LRRIQ1: variants seen among roughly 807,000 people sequenced by gnomAD.
LRRIQ1 encodes the protein leucine-rich repeat- and IQ domain-containing protein 1.
In LRRIQ1, 210 loss-of-function variants were observed where a neutral mutation model predicts 211.9. That is an observed-to-expected ratio of 0.99 (90% CI 0.89 to 1.11). LRRIQ1 has a LOEUF of 1.11. Ranked by LOEUF, LRRIQ1 falls within the 50% of genes most tolerant of loss-of-function variation. The pLI is 0.00. For synonymous variants in LRRIQ1, 699 were observed against 650.1 expected, an observed-to-expected ratio of 1.08 and a Z score of -1.14; for missense variants, 2,136 against 1,939.5, an observed-to-expected ratio of 1.10 and a Z score of -1.90.
chr12:85,217,413 G>A (rs1894139853), intron 24 of LRRIQ1, among the ~76,000 whole-genome samples: 1 of 140,684 alleles, frequency 7.1e-6, no homozygotes, highest in Non-Finnish European at 1.5e-5. Context: ...AGTAGAATTA[G>A]AAATACATTT....
At chr12:85,058,699 C>T (rs1881425489) in intron 8 of LRRIQ1, among the ~76,000 whole-genome samples, 1 of 151,996 alleles carries the variant, frequency 6.6e-6, no homozygotes, top group Non-Finnish European at 1.5e-5. Flanking sequence ...CTTTCTTTTA[C>T]TTCTTAGAGC....
chr12:85,227,317 C>A (rs1323143633), intron 24 of LRRIQ1, among the ~76,000 whole-genome samples: 1 of 152,022 alleles, frequency 6.6e-6, no homozygotes, highest in Non-Finnish European at 1.5e-5. Context: ...GGTACATGTG[C>A]ACAATGTGCA....
intron 24 of LRRIQ1, among the ~76,000 whole-genome samples, chr12:85,164,397 A>C (rs1246040229): frequency 1.3e-5 from 2 of 152,144 alleles, no homozygotes; most frequent in African/African-American, 4.8e-5. Flanking sequence ...TTTTTCATCT[A>C]TGAAATAAGA....
At chr12:85,125,271 C>A (rs997941758) in intron 17 of LRRIQ1, among the ~76,000 whole-genome samples, 1 of 152,136 alleles carries the variant, frequency 6.6e-6, no homozygotes, top group Admixed American at 6.5e-5. Context: ...TAAAGAGCAT[C>A]TTTGCACATA....
chr12:85,086,221 G>A (rs994074693), intron 11 of LRRIQ1, among the ~76,000 whole-genome samples: 2 of 152,046 alleles, frequency 1.3e-5, no homozygotes, highest in Non-Finnish European at 2.9e-5. Context: ...TTTGTTGACT[G>A]CATGTATGTC....
intron 24 of LRRIQ1, among the ~76,000 whole-genome samples, chr12:85,186,450 G>A (rs1348788247): frequency 6.6e-6 from 1 of 151,998 alleles, no homozygotes; most frequent in Non-Finnish European, 1.5e-5. Context: ...ACCTCTGATT[G>A]CATGGTACCC....
chr12:85,056,100 A>C lies in LRRIQ1; in HGVS notation c.1307A>C (p.Asp436Ala), dbSNP rs1054450868. Residue 436 changes from aspartate (D) to alanine (A), a missense_variant, in exon 8 of 27, where the codon GAT (aspartate) becomes GCT (alanine). Asp to Ala is a moderately radical substitution (Grantham distance 126). Coordinates refer to ENST00000393217, the MANE Select transcript of LRRIQ1 (RefSeq NM_001079910.2). ...LVDENSKKQE[D>A]VLLWLVEESN... ...GATGAAAATTCAAAGAAGCAGGAAG[A>C]TGTTCTCCTTTGGCTAGTTGAGGAA... 2.5e-6 allele frequency: 4 copies of C among 1,600,970 alleles called. No individual in the cohort carries two copies. Among genetic ancestry groups the C allele is most frequent in the Non-Finnish European group, 3.4e-6 (4 of 1,176,412 alleles).
Position 85,056,293 on chromosome 12 carries a change from A to G in LRRIQ1, c.1500A>G (p.Glu500=), listed in dbSNP as rs1490299372. Residue 500 remains glutamate, a synonymous_variant, in exon 8 of 27, where the codon GAA becomes GAG. Coordinates refer to ENST00000393217, the MANE Select transcript of LRRIQ1 (RefSeq NM_001079910.2). ...GTTCAGAAGAATTGGTCAAGCAAGA[A>G]AGAAAATATGAAAATACAGATAACA... ...KRCSEELVKQ[E]RKYENTDNKT... is the part of the protein sequence containing the mutation. 2 of 1,587,568 alleles carry G rather than the reference A, an allele frequency of 1.3e-6. No individual in the cohort carries two copies. The highest frequency in any genetic ancestry group is 1.9e-5 in the Admixed American group (1 of 52,502).
At chr12:85,150,026 G>T (rs1051722472) in intron 19 of LRRIQ1, among the ~76,000 whole-genome samples, 10 of 151,724 alleles carry the variant, frequency 6.6e-5, no homozygotes, top group Non-Finnish European at 1.5e-4. Context: ...TGCTTTGTGG[G>T]ATCTTGTCCT....
chr12:85,243,364 T>TAA (rs1895559403), intron 26 of LRRIQ1, among the ~76,000 whole-genome samples: 2 of 147,468 alleles, frequency 1.4e-5, no homozygotes, highest in Admixed American at 6.8e-5. Context: ...ACTTTAAGTT[T>TAA]TAGGGTACCT....
chr12:85,152,194 C>T, intron 19 of LRRIQ1, 86 bp from the exon 20 acceptor site: 1 of 1,082,698 alleles, frequency 9.2e-7, no homozygotes, highest in South Asian at 1.8e-5. Flanking sequence ...ACTTTGTCAA[C>T]ATTTGTAGTC....
At chr12:85,271,324 A>T in the LRRIQ1 span, among the ~76,000 whole-genome samples, 1 of 152,182 alleles carries the variant, frequency 6.6e-6, no homozygotes, top group Admixed American at 6.5e-5. Context: ...TTTCAATGTT[A>T]GAAAGTTAGT....
At chr12:85,248,549 T>C (rs1895802781), downstream of LRRIQ1, among the ~76,000 whole-genome samples, 1 of 151,728 alleles carries the variant, frequency 6.6e-6, no homozygotes, top group Non-Finnish European at 1.5e-5. Context: ...TCACAGTTAG[T>C]TGGGGTTTGA....
intron 15 of LRRIQ1, among the ~76,000 whole-genome samples, chr12:85,116,674 A>C (rs1887605661): frequency 1.3e-5 from 2 of 152,076 alleles, no homozygotes; most frequent in South Asian, 2.1e-4. Flanking sequence ...CCCAGTACCC[A>C]ATAGTTATCT....
chr12:85,136,151 C>T (rs1889114461), intron 18 of LRRIQ1, among the ~76,000 whole-genome samples: 1 of 151,220 alleles, frequency 6.6e-6, no homozygotes, highest in Non-Finnish European at 1.5e-5. Flanking sequence ...TCCCTCACTC[C>T]TCCAACCTGC....
chr12:85,232,687 A>G lies in LRRIQ1; in HGVS notation c.4956-9A>G, dbSNP rs531333317. ...TTATAAAATACTTTCTGTTTTTGTC[A>G]CTATGCAGCAATCACTTTTTGCCTG... is the stretch of plus-strand genomic sequence containing the variant. On this transcript the variant is annotated splice_polypyrimidine_tract_variant and intron_variant, in intron 25 of 26. Coordinates refer to ENST00000393217, the MANE Select transcript of LRRIQ1 (RefSeq NM_001079910.2). The G allele has an allele frequency of 2.5e-6, 4 of 1,607,136 alleles. No individual in the cohort carries two copies. The highest frequency in any genetic ancestry group is 2.2e-5 in the South Asian group (2 of 90,462).
Position 85,124,134 on chromosome 12 carries a change from A to C in LRRIQ1, c.3622A>C (p.Ser1208Arg). The change falls in exon 17 of 27, where the codon AGT (serine) becomes CGT (arginine). Residue 1208 changes from serine to arginine, a missense_variant. Transcript: ENST00000393217. ...TTATTTTAAGAAATTGATGATACTT[A>C]GTACTGAATACCGACATGCACACGA... ...CHYFKKLMIL[S>R]TEYRHAHERG... is the part of the protein sequence containing the mutation. The C allele has an allele frequency of 6.2e-7, 1 of 1,614,004 alleles. No individual in the cohort carries two copies. Among genetic ancestry groups the C allele is most frequent in the Non-Finnish European group, 8.5e-7 (1 of 1,179,900 alleles).
At chr12:85,242,157 C>T (rs539221661) in intron 26 of LRRIQ1, among the ~76,000 whole-genome samples, 326 of 152,038 alleles carry the variant, frequency 2.1e-3, no homozygotes, top group Non-Finnish European at 3.7e-3. Context: ...CTGACATTAA[C>T]TTGAGATTAT....
chr12:85,041,805 A>G (rs1878925416), intron 3 of LRRIQ1, among the ~76,000 whole-genome samples: 1 of 151,864 alleles, frequency 6.6e-6, no homozygotes, highest in African/African-American at 2.4e-5. Context: ...AGCTACTACA[A>G]GACTATTGCA....
Sources: allele counts gnomAD v4.1 joint callset (sites outside exome capture counted in the v4.1 genomes callset), GRCh38; gene constraint gnomAD v4.1.1; transcripts MANE v1.5; gene names NCBI Gene and HGNC (gene_info 2026-07-23, HGNC 2026-07-21).